Variants in LRBA observed in about 807,000 individuals in gnomAD.
LRBA encodes LPS responsive beige-like anchor protein.
In LRBA, 176 loss-of-function variants were observed where a neutral mutation model predicts 330.0. The ratio of observed to expected loss-of-function variants is 0.53; its 90% confidence interval spans 0.47 to 0.60. LRBA has a LOEUF of 0.60. Ranked by LOEUF, LRBA falls within the 20% of genes least tolerant of loss-of-function variation. The pLI is 0.00. For missense variants in LRBA, 3,259 were observed against 3,444.8 expected, an observed-to-expected ratio of 0.95 and a Z score of 1.35; for synonymous variants, 1,230 against 1,193.0, an observed-to-expected ratio of 1.03 and a Z score of -0.64.
intron 2 of LRBA, among the ~76,000 whole-genome samples, chr4:150,940,196 G>A (rs1735517759): frequency 6.6e-6 from 1 of 151,068 alleles, no homozygotes; most frequent in African/African-American, 2.4e-5. Context: ...TTGAGCCCAG[G>A]AGTTCAAGAC....
In LRBA at chr4:150,270,053, C is replaced by T. The variant is rs150574484; in HGVS notation, c.8469-4241G>A. 8.5e-3 allele frequency among the ~76,000 whole-genome samples: 1,293 copies of T among 152,260 alleles called. 7 individuals carry two copies. Among genetic ancestry groups the T allele is most frequent in the Non-Finnish European group, 0.013 (883 of 68,020 alleles). On this transcript the variant is annotated intron_variant, in intron 56 of 56. Transcript: ENST00000651943. The stretch of plus-strand genomic sequence containing the variant: ...AAATCAAAACCACAATGAGAGACCA[C>T]GCCTGTTAGGACAACTGTTAAAAAA...
chr4:150,769,832 A>T (rs1002889333), intron 34 of LRBA, among the ~76,000 whole-genome samples: 1 of 152,218 alleles, frequency 6.6e-6, no homozygotes, highest in African/African-American at 2.4e-5. Context: ...ACCACATTTC[A>T]TTACCAAATG....
At chr4:150,363,328 A>G (rs903264390) in intron 47 of LRBA, among the ~76,000 whole-genome samples, 7 of 152,148 alleles carry the variant, frequency 4.6e-5, no homozygotes, top group Non-Finnish European at 8.8e-5. Context: ...AACCTTCCCC[A>G]GAAACAGAAC....
chr4:150,525,175 G>C (rs112874048), intron 40 of LRBA, among the ~76,000 whole-genome samples: 1,533 of 152,088 alleles, frequency 0.01, 25 homozygotes, highest in African/African-American at 0.035. Flanking sequence ...TATCAGCTAT[G>C]GAGTGAGCAT....
intron 42 of LRBA, among the ~76,000 whole-genome samples, chr4:150,478,566 A>T (rs954832666): frequency 1.3e-5 from 2 of 152,152 alleles, no homozygotes; most frequent in Admixed American, 1.3e-4. Flanking sequence ...TCAACATCAC[A>T]TATCATCCAG....
chr4:150,800,763 A>G (rs1227714893), intron 33 of LRBA, among the ~76,000 whole-genome samples: 1 of 152,214 alleles, frequency 6.6e-6, no homozygotes, highest in Non-Finnish European at 1.5e-5. Flanking sequence ...TAAAACTCTC[A>G]GTAGAATAGT....
intron 47 of LRBA, among the ~76,000 whole-genome samples, chr4:150,375,760 A>T (rs4579100): frequency 0.86 from 130,637 of 152,042 alleles, 57,290 homozygotes; most frequent in Non-Finnish European, 0.96. Context: ...TCTACTTACT[A>T]CTTAACACTA....
intron 47 of LRBA, among the ~76,000 whole-genome samples, chr4:150,405,969 CG>C (rs1746140629): frequency 6.6e-6 from 1 of 152,032 alleles, no homozygotes; most frequent in African/African-American, 2.4e-5. Context: ...GTGAGAAGAT[CG>C]TTTGAGCCCA....
At chr4:150,379,456 G>A (rs1055084808) in intron 47 of LRBA, among the ~76,000 whole-genome samples, 1 of 151,968 alleles carries the variant, frequency 6.6e-6, no homozygotes, top group Non-Finnish European at 1.5e-5. Flanking sequence ...AAAATGGATA[G>A]AAGACAGCAA....
At chr4:150,751,212 T>G (rs547682932) in intron 35 of LRBA, among the ~76,000 whole-genome samples, 2 of 152,166 alleles carry the variant, frequency 1.3e-5, no homozygotes, top group African/African-American at 4.8e-5. Context: ...TTATAAAAAG[T>G]GATTGGGATG....
intron 40 of LRBA, among the ~76,000 whole-genome samples, chr4:150,496,762 T>TA (rs1759639378): frequency 6.6e-6 from 1 of 152,068 alleles, no homozygotes; most frequent in African/African-American, 2.4e-5. Context: ...GTGTTAAGAA[T>TA]AAAATCAGGT....
At chr4:150,780,009 CTGCA>C (rs1454084878) in intron 34 of LRBA, among the ~76,000 whole-genome samples, 5 of 152,168 alleles carry the variant, frequency 3.3e-5, no homozygotes, top group African/African-American at 1.2e-4. Flanking sequence ...CTGCTGACTT[CTGCA>C]TGCTCAATCC....
intron 40 of LRBA, chr4:150,580,685 G>C (rs1189004113): frequency 1.3e-5 from 2 of 152,074 alleles, no homozygotes; most frequent in African/African-American, 4.8e-5. Context: ...AGACATCTTA[G>C]GTTCATACAT....
chr4:150,323,387 A>G (rs2126934811), intron 49 of LRBA, among the ~76,000 whole-genome samples: 1 of 152,344 alleles, frequency 6.6e-6, no homozygotes, highest in Non-Finnish European at 1.5e-5. Context: ...AAGGAAGTAC[A>G]TACATATTTC....
In LRBA at chr4:150,544,665, T is replaced by C. The variant is rs184533924; in HGVS notation, c.6330+43383A>G. Among the ~76,000 whole-genome samples, 6 of 152,320 alleles carry C rather than the reference T, an allele frequency of 3.9e-5. No homozygotes were observed. In the East Asian group the frequency reaches 1.2e-3, roughly 29 times the overall value. ...TCACCCCCTGTTGGCATGTAAGCTC[T>C]GTAACATTAAGAAAAACCATGTTTG... On this transcript the variant is annotated intron_variant, in intron 40 of 56. Transcript: ENST00000651943.
chr4:150,922,603 T>C (rs1733424652), intron 4 of LRBA, among the ~76,000 whole-genome samples: 1 of 151,818 alleles, frequency 6.6e-6, no homozygotes, highest in Admixed American at 6.6e-5. Context: ...ACAATGGACT[T>C]TGGGGACTTG....
chr4:150,601,850 C>T (rs1049998837), intron 37 of LRBA, among the ~76,000 whole-genome samples: 11 of 151,606 alleles, frequency 7.3e-5, no homozygotes, highest in Non-Finnish European at 1.3e-4. Context: ...TGCCACCATG[C>T]CCGGCTAATT....
At position 150,629,263 on chromosome 4, in the gene LRBA, G is replaced by T. The variant is rs1481723992; in HGVS notation, c.5922-30132C>A. Among the ~76,000 whole-genome samples, 3 of 152,160 alleles carry T rather than the reference G, an allele frequency of 2.0e-5. No individual in the cohort carries two copies. In the East Asian group the frequency reaches 5.8e-4, roughly 29 times the overall value. On this transcript the variant is annotated intron_variant, in intron 37 of 56. Coordinates refer to ENST00000651943, the MANE Select transcript of LRBA (RefSeq NM_001364905.1). ...AAAACATTCCAATACTGTTTCTTTA[G>T]AACTATATTCTGCCAATCTTAAAAT...
At chr4:150,546,266 A>G (rs754007627) in intron 40 of LRBA, among the ~76,000 whole-genome samples, 1 of 152,252 alleles carries the variant, frequency 6.6e-6, no homozygotes, top group Non-Finnish European at 1.5e-5. Context: ...CAATTGGTGA[A>G]CAAATACAAT....
Sources: gnomAD v4.1 joint callset for allele counts (sites outside exome capture counted in the v4.1 genomes callset) on GRCh38, gnomAD v4.1.1 for gene constraint, MANE v1.5 for transcripts, NCBI Gene and HGNC (gene_info 2026-07-23, HGNC 2026-07-21) for gene names.